The following FHIT variants were observed in gnomAD, a reference collection of about 807,000 sequenced individuals.
FHIT encodes the protein bis(5'-adenosyl)-triphosphatase.
A neutral mutation model predicts 17.9 loss-of-function variants in FHIT; 19 were observed. The observed-to-expected ratio is 1.06, with a 90% CI of 0.74 to 1.56. The LOEUF is 1.56. Among genes scored for constraint, FHIT ranks in the 40% most tolerant of loss-of-function variants. FHIT has a pLI of 0.00. For missense variants in FHIT, 248 were observed against 189.2 expected (o/e 1.31, Z -1.82); for synonymous variants, 81 against 69.7 (o/e 1.16, Z -0.81).
intron 4 of FHIT, among the ~76,000 whole-genome samples, chr3:60,726,561 T>C (rs1439661319): frequency 6.6e-6 from 1 of 152,178 alleles, no homozygotes; most frequent in African/African-American, 2.4e-5. Context: ...AAGCAGTTGA[T>C]GTTCCCAAAT....
chr3:60,750,550 A>C (rs926108313), intron 4 of FHIT, among the ~76,000 whole-genome samples: 7 of 152,194 alleles, frequency 4.6e-5, no homozygotes, highest in African/African-American at 1.7e-4. Flanking sequence ...GTTTCCCTGC[A>C]CAAGGTCTCT....
chr3:59,945,833 G>A (rs923113782), intron 7 of FHIT, among the ~76,000 whole-genome samples: 7 of 152,116 alleles, frequency 4.6e-5, no homozygotes, highest in African/African-American at 1.7e-4. Context: ...AGATCAGATG[G>A]TTGTAGGTTT....
intron 5 of FHIT, among the ~76,000 whole-genome samples, chr3:60,108,498 A>T (rs1704525040): frequency 6.6e-6 from 1 of 152,002 alleles, no homozygotes; most frequent in South Asian, 2.1e-4. Context: ...CTGAATTCTT[A>T]CTGTGTAAAC....
At chr3:60,046,233 A>T (rs6779755) in intron 5 of FHIT, among the ~76,000 whole-genome samples, 1 of 152,168 alleles carries the variant, frequency 6.6e-6, no homozygotes, top group African/African-American at 2.4e-5. Context: ...AGCAATTACC[A>T]TCTCACACAT....
intron 5 of FHIT, among the ~76,000 whole-genome samples, chr3:60,441,484 C>G (rs1017079848): frequency 4.0e-5 from 6 of 151,610 alleles, no homozygotes; most frequent in African/African-American, 1.5e-4. Context: ...TCATCTCAAA[C>G]TTCTCCTTGA....
At chr3:60,184,457 G>A (rs1170245205) in intron 5 of FHIT, among the ~76,000 whole-genome samples, 2 of 152,024 alleles carry the variant, frequency 1.3e-5, no homozygotes, top group African/African-American at 4.8e-5. Flanking sequence ...CCTCAGTTAA[G>A]GTTTGTCTGA....
In FHIT at chr3:59,986,708, A is replaced by AAATATATAAATATATTTATATT. The variant is rs1708950823; in HGVS notation, c.279+24662_279+24663insAATATAAATATATTTATATATT. On this transcript the variant is annotated intron_variant, in intron 7 of 9. Coordinates refer to ENST00000492590, the MANE Select transcript of FHIT (RefSeq NM_002012.4). The stretch of plus-strand genomic sequence containing the variant: ...TATTTAGTTTTATATATATTTATAT[A>AAATATATAAATATATTTATATT]AATATATACATATATTTATATAAAT... Among the ~76,000 whole-genome samples the AAATATATAAATATATTTATATT allele has an allele frequency of 5.2e-5, 2 of 38,226 alleles. 1 individual carries two copies. Among genetic ancestry groups the AAATATATAAATATATTTATATT allele is most frequent in the Non-Finnish European group, 7.8e-5 (2 of 25,584 alleles). 25.1% of individuals were successfully genotyped at this position (38,226 alleles called of 152,430 possible).
Position 60,835,812 on chromosome 3 carries a change from C to G in FHIT, c.-110-13801G>C, listed in dbSNP as rs547843841. ...TGTTGTTGTTGAGGAGAGATGAGGT[C>G]TCTCCATATTTCCCAGGCTGGTCTT... On this transcript the variant is annotated intron_variant, in intron 3 of 9. Transcript: ENST00000492590. Among the ~76,000 whole-genome samples the G allele has an allele frequency of 9.2e-4, 140 of 152,230 alleles. 3 individuals carry two copies. The Middle Eastern group carries it at 0.02, about 22-fold the overall frequency.
chr3:60,679,421 T>C (rs1222139075), intron 4 of FHIT, among the ~76,000 whole-genome samples: 2 of 152,200 alleles, frequency 1.3e-5, no homozygotes, highest in Admixed American at 1.3e-4. Context: ...GAGATAAACA[T>C]TGATAGTGTT....
At chr3:59,755,970 G>C (rs922289600) in intron 8 of FHIT, among the ~76,000 whole-genome samples, 11 of 152,290 alleles carry the variant, frequency 7.2e-5, no homozygotes, top group Non-Finnish European at 1.6e-4. Flanking sequence ...TTGTGTCTCA[G>C]TTTTCCCCTT....
intron 5 of FHIT, among the ~76,000 whole-genome samples, chr3:60,467,701 A>T (rs1048990411): frequency 2.6e-5 from 4 of 152,016 alleles, no homozygotes; most frequent in East Asian, 3.8e-4. Context: ...CATAATTTTT[A>T]AAAAAATGTT....
At chr3:61,241,428 T>G (rs2040370382) in intron 1 of FHIT, among the ~76,000 whole-genome samples, 1 of 152,236 alleles carries the variant, frequency 6.6e-6, no homozygotes, top group African/African-American at 2.4e-5. Context: ...TGTGTTTTGC[T>G]TTGTTTTTTC....
chr3:60,503,256 T>A lies in FHIT; in HGVS notation c.103+33604A>T, dbSNP rs960798313. Among the ~76,000 whole-genome samples, 4 of 152,324 alleles carry A rather than the reference T, an allele frequency of 2.6e-5. No individual in the cohort carries two copies. The South Asian group carries it at 8.3e-4, about 32-fold the overall frequency. On this transcript the variant is annotated intron_variant, in intron 5 of 9. Transcript: ENST00000492590. ...CATAATACATTCTCACTTATAAAAT[T>A]AGCATATATTAGGAAAATTATTACT...
At chr3:60,384,959 G>T (rs1304468614) in intron 5 of FHIT, among the ~76,000 whole-genome samples, 3 of 151,464 alleles carry the variant, frequency 2.0e-5, no homozygotes, top group Admixed American at 6.6e-5. Context: ...TGTTCATTTT[G>T]TTCTAACTGC....
chr3:60,582,190 G>C (rs1432848459), intron 4 of FHIT, among the ~76,000 whole-genome samples: 1 of 151,946 alleles, frequency 6.6e-6, no homozygotes, highest in Non-Finnish European at 1.5e-5. Flanking sequence ...CGAGACATCA[G>C]GATATTTTTA....
At chr3:60,921,123 A>G (rs1707258348) in intron 3 of FHIT, among the ~76,000 whole-genome samples, 1 of 152,210 alleles carries the variant, frequency 6.6e-6, no homozygotes, top group Admixed American at 6.5e-5. Flanking sequence ...AAAAGTGCTA[A>G]GACTTGAAAG....
intron 5 of FHIT, among the ~76,000 whole-genome samples, chr3:60,233,479 G>A (rs1370652148): frequency 6.6e-6 from 1 of 151,956 alleles, no homozygotes; most frequent in African/African-American, 2.4e-5. Context: ...AAACTCCTCA[G>A]AGAGGGCCTC....
intron 7 of FHIT, among the ~76,000 whole-genome samples, chr3:59,958,968 G>C (rs1481950805): frequency 6.6e-6 from 1 of 152,110 alleles, no homozygotes; most frequent in Non-Finnish European, 1.5e-5. Context: ...GCTGTACCAG[G>C]GTGCTGACTG....
rs148520352 is a variant in FHIT, at chr3:60,066,530, G to A, written c.104-52378C>T. On this transcript the variant is annotated intron_variant, in intron 5 of 9. Transcript: ENST00000492590. ...ACTGTTCTGGCCCTAATGACCTCCC[G>A]CCCTCTCAAAACGCCAACATAACTT... 3.7e-4 allele frequency among the ~76,000 whole-genome samples: 55 copies of A among 149,240 alleles called. No individual in the cohort carries two copies. In the East Asian group the frequency reaches 9.4e-3, roughly 25 times the overall value.
Sources: allele counts gnomAD v4.1 joint callset (sites outside exome capture counted in the v4.1 genomes callset), GRCh38; gene constraint gnomAD v4.1.1; transcripts MANE v1.5; gene names NCBI Gene and HGNC (gene_info 2026-07-23, HGNC 2026-07-21).